Variants in ADAMTS6 observed in about 807,000 individuals in gnomAD.
ADAMTS6 encodes A disintegrin and metalloproteinase with thrombospondin motifs 6.
ADAMTS6 carries 23 observed loss-of-function variants against 144.3 expected under a neutral mutation model. The observed-to-expected ratio is 0.16, with a 90% CI of 0.11 to 0.23. The LOEUF (loss-of-function observed/expected upper bound fraction) is 0.23, where lower values mean the gene tolerates loss of function less well. Ranked by LOEUF, ADAMTS6 falls within the 10% of genes least tolerant of loss-of-function variation. The pLI, the probability that ADAMTS6 is intolerant of heterozygous loss-of-function variation, is 1.00. For missense variants in ADAMTS6, 999 were observed against 1,379.6 expected, an observed-to-expected ratio of 0.72 and a Z score of 4.37; for synonymous variants, 444 against 457.5, an observed-to-expected ratio of 0.97 and a Z score of 0.38.
intron 11 of ADAMTS6, among the ~76,000 whole-genome samples, chr5:65,283,243 T>A (rs1259908304): frequency 6.6e-6 from 1 of 152,086 alleles, no homozygotes; most frequent in Admixed American, 6.6e-5. Flanking sequence ...GTTTCAGGTG[T>A]TTAGTAGCCA....
In ADAMTS6 at chr5:65,205,989, A is replaced by G. The variant is rs1419802424; in HGVS notation, c.2575+8805T>C. On this transcript the variant is annotated intron_variant, in intron 20 of 24. Coordinates refer to ENST00000381055, the MANE Select transcript of ADAMTS6 (RefSeq NM_197941.4). ...AAGAGTCTCCAGTTTTAAATTCTGA[A>G]CATCACCAGGGCCCTGAATAATGAG... Among the ~76,000 whole-genome samples, 3 of 152,158 alleles carry G rather than the reference A, an allele frequency of 2.0e-5. No homozygotes were observed. In the South Asian group the frequency reaches 6.2e-4, roughly 32 times the overall value.
At chr5:65,377,614 A>C (rs1164363949) in intron 7 of ADAMTS6, among the ~76,000 whole-genome samples, 1 of 152,202 alleles carries the variant, frequency 6.6e-6, no homozygotes, top group Non-Finnish European at 1.5e-5. Context: ...TTTTGACTCT[A>C]TGTACCTCAT....
intron 14 of ADAMTS6, 29 bp from the exon 15 acceptor site, chr5:65,242,235 C>A (rs1237877936): frequency 6.5e-7 from 1 of 1,541,798 alleles, no homozygotes. Context: ...ATAAATGGTA[C>A]CATTGTTGGA....
chr5:65,182,239 G>C (rs910448492), intron 22 of ADAMTS6, among the ~76,000 whole-genome samples: 2 of 151,994 alleles, frequency 1.3e-5, no homozygotes, highest in Non-Finnish European at 2.9e-5. Flanking sequence ...GAGGTCAGGA[G>C]TTTGAGACCA....
intron 15 of ADAMTS6, among the ~76,000 whole-genome samples, chr5:65,237,339 G>A (rs1439842886): frequency 6.9e-6 from 1 of 145,116 alleles, no homozygotes; most frequent in Non-Finnish European, 1.5e-5. Flanking sequence ...AGTGAGATAT[G>A]ATTGGGCCAC....
chr5:65,201,118 T>A (rs1755710488), intron 20 of ADAMTS6, among the ~76,000 whole-genome samples: 1 of 152,174 alleles, frequency 6.6e-6, no homozygotes, highest in Admixed American at 6.5e-5. Flanking sequence ...TTATACAGTA[T>A]GTACCAAAGG....
At chr5:65,328,576 T>C (rs1360867762) in intron 9 of ADAMTS6, among the ~76,000 whole-genome samples, 1 of 152,084 alleles carries the variant, frequency 6.6e-6, no homozygotes, top group East Asian at 1.9e-4. Context: ...GCTCGTTTGT[T>C]TAGTTTTTAC....
chr5:65,430,484 G>T (rs1756909610), intron 7 of ADAMTS6, among the ~76,000 whole-genome samples: 1 of 152,106 alleles, frequency 6.6e-6, no homozygotes, highest in East Asian at 1.9e-4. Flanking sequence ...AACCAAGCAG[G>T]ACACTACTGG....
chr5:65,371,590 G>A (rs535218047), intron 7 of ADAMTS6, among the ~76,000 whole-genome samples: 11 of 152,148 alleles, frequency 7.2e-5, no homozygotes, highest in Non-Finnish European at 1.2e-4. Context: ...AAAAAGAAAC[G>A]AACAAAGCCT....
intron 10 of ADAMTS6, chr5:65,297,124 G>A: frequency 6.9e-6 from 3 of 435,814 alleles, no homozygotes; most frequent in Non-Finnish European, 1.4e-5. Flanking sequence ...AGCCGTCGCC[G>A]GAAAACATCA....
chr5:65,473,889 G>A lies in ADAMTS6; in HGVS notation c.-216C>T, dbSNP rs1760653615. ...AATCCAAAATGAAAAAAATAATGAT[G>A]GTAAAAGTTTTCATAAGCAAAGCAT... On this transcript the variant is annotated 5_prime_UTR_variant, in exon 2 of 25. Coordinates refer to ENST00000381055, the MANE Select transcript of ADAMTS6 (RefSeq NM_197941.4). 1.4e-5 allele frequency: 7 copies of A among 509,312 alleles called. No individual in the cohort carries two copies. Among genetic ancestry groups the A allele is most frequent in the East Asian group, 2.9e-5 (1 of 33,968 alleles). The allele number at this position is 509,312 out of a possible 1,614,324, so 31.5% of individuals were successfully genotyped here.
At chr5:65,454,242 T>A (rs1371076483) in intron 4 of ADAMTS6, among the ~76,000 whole-genome samples, 1 of 152,220 alleles carries the variant, frequency 6.6e-6, no homozygotes, top group Non-Finnish European at 1.5e-5. Flanking sequence ...ACTTTCATTG[T>A]TCTTAAATTA....
chr5:65,332,287 G>GTATATA lies in ADAMTS6; in HGVS notation c.1117+1749_1117+1754dup, dbSNP rs367547551. ...ATATATATAGGGAGAGACAGTGAGG[G>GTATATA]TATATATATATATATATATATATAT... On this transcript the variant is annotated intron_variant, in intron 8 of 24. Transcript: ENST00000381055. Among the ~76,000 whole-genome samples the GTATATA allele has an allele frequency of 6.2e-3, 725 of 117,856 alleles. 2 individuals are homozygous for GTATATA. The highest frequency in any genetic ancestry group is 8.8e-3 in the Admixed American group (100 of 11,312). The allele number at this position is 117,856 out of a possible 152,430, so 77.3% of individuals were successfully genotyped here.
In ADAMTS6 at chr5:65,212,338, A is replaced by G. The variant is rs193125654; in HGVS notation, c.2575+2456T>C. Among the ~76,000 whole-genome samples, 22 of 151,772 alleles carry G rather than the reference A, an allele frequency of 1.4e-4. 1 individual carries two copies. The highest frequency in any genetic ancestry group is 6.8e-3 in the Middle Eastern group (2 of 292). On this transcript the variant is annotated intron_variant, in intron 20 of 24. Coordinates refer to ENST00000381055, the MANE Select transcript of ADAMTS6 (RefSeq NM_197941.4). Reference sequence around the variant, plus strand: ...GTGAGTTCCCAGAACCACCTCCAGTATCTAAGACCAGTAGCTCCAGATCAC... The same window carrying G: ...GTGAGTTCCCAGAACCACCTCCAGTGTCTAAGACCAGTAGCTCCAGATCAC...
chr5:65,215,244 G>A, intron 19 of ADAMTS6, 80 bp downstream of exon 19: 1 of 1,442,892 alleles, frequency 6.9e-7, no homozygotes, highest in Non-Finnish European at 9.5e-7. Context: ...CTGTAAAGCA[G>A]AGATAATAAA....
Position 65,293,290 on chromosome 5 carries a change from CAAGTT to C in ADAMTS6, c.1371-1825_1371-1821del, listed in dbSNP as rs144574203. On this transcript the variant is annotated intron_variant, in intron 10 of 24. Coordinates refer to ENST00000381055, the MANE Select transcript of ADAMTS6 (RefSeq NM_197941.4). ...TAAATATGTAATAAAAATAAAATAA[CAAGTT>C]AAGTACTACTATAAATCTTTTTTAT... Among the ~76,000 whole-genome samples the C allele has an allele frequency of 1.9e-3, 291 of 151,840 alleles. 1 individual carries two copies. Among genetic ancestry groups the C allele is most frequent in the African/African-American group, 6.7e-3 (278 of 41,468 alleles).
At chr5:65,236,012 C>T (rs754605643) in intron 15 of ADAMTS6, among the ~76,000 whole-genome samples, 1 of 152,090 alleles carries the variant, frequency 6.6e-6, no homozygotes, top group Non-Finnish European at 1.5e-5. Flanking sequence ...TATGGCAAAA[C>T]AATCCCAAAG....
At chr5:65,427,547 C>T (rs1005030579) in intron 7 of ADAMTS6, among the ~76,000 whole-genome samples, 2 of 151,992 alleles carry the variant, frequency 1.3e-5, no homozygotes, top group African/African-American at 4.8e-5. Context: ...TATGGTAATC[C>T]CAGCACTTTG....
chr5:65,438,418 C>T (rs899298515), intron 7 of ADAMTS6, among the ~76,000 whole-genome samples: 1 of 152,226 alleles, frequency 6.6e-6, no homozygotes, highest in South Asian at 2.1e-4. Flanking sequence ...ATCCCAGCTA[C>T]TTGGGAGGCT....
Sources: gnomAD v4.1 joint callset for allele counts (sites outside exome capture counted in the v4.1 genomes callset) on GRCh38, gnomAD v4.1.1 for gene constraint, MANE v1.5 for transcripts, NCBI Gene and HGNC (gene_info 2026-07-23, HGNC 2026-07-21) for gene names.